Variants in STAG1 observed in about 807,000 individuals in gnomAD.
The protein encoded by STAG1 is cohesin subunit SA-1.
A neutral mutation model predicts 170.9 loss-of-function variants in STAG1; 26 were observed. The ratio of observed to expected loss-of-function variants is 0.15; its 90% confidence interval spans 0.11 to 0.21. The LOEUF (loss-of-function observed/expected upper bound fraction) is 0.21. STAG1 is among the 10% of genes least tolerant of loss of function. The pLI is 1.00. For synonymous variants in STAG1, 514 were observed against 497.7 expected (o/e 1.03, Z -0.44); for missense variants, 964 against 1,509.5 (o/e 0.64, Z 5.99).
At position 136,422,522 on chromosome 3, in the gene STAG1, A is replaced by G; in HGVS notation, c.1925T>C (p.Ile642Thr). Residue 642 changes from isoleucine (I) to threonine (T), a missense_variant, in exon 19 of 34, where the codon ATC (isoleucine) becomes ACC (threonine). Ile to Thr is a moderately conservative substitution (Grantham distance 89). Around this residue, in one of 11 missense-constraint regions of STAG1, gnomAD observed 232 missense variants for 313.0 expected, o/e 0.74. Transcript: ENST00000383202. Reference sequence around the variant, plus strand: ...GATGGTATATTCTTCACTGCATAAGATACTATAGGTTTTACTGCAGGCTTC... The same window carrying G: ...GATGGTATATTCTTCACTGCATAAGGTACTATAGGTTTTACTGCAGGCTTC... Reference protein sequence around the residue: ...VLEACSKTYSILCSEEYTIQN... With the variant: ...VLEACSKTYSTLCSEEYTIQN... 1 of 1,614,080 alleles carries G rather than the reference A, an allele frequency of 6.2e-7. No homozygotes were observed. Among genetic ancestry groups the G allele is most frequent in the Non-Finnish European group, 8.5e-7 (1 of 1,179,988 alleles).
At chr3:136,667,005 A>G (rs1258793899) in intron 1 of STAG1, among the ~76,000 whole-genome samples, 1 of 152,102 alleles carries the variant, frequency 6.6e-6, no homozygotes. Context: ...TTTCAACCAA[A>G]CCACTCACTT....
chr3:136,400,539 CTTT>C (rs560722126), intron 21 of STAG1, among the ~76,000 whole-genome samples: 3 of 139,822 alleles, frequency 2.1e-5, no homozygotes, highest in Admixed American at 7.2e-5. Context: ...AATTTTCTTT[CTTT>C]TTTTTTTTTT....
intron 1 of STAG1, among the ~76,000 whole-genome samples, chr3:136,678,696 T>TG (rs1252223879): frequency 6.6e-6 from 1 of 151,756 alleles, no homozygotes. Context: ...ACTGAGCTTC[T>TG]GCAATTTGAA....
At chr3:136,503,498 A>G (rs1933590095) in intron 7 of STAG1, among the ~76,000 whole-genome samples, 2 of 152,172 alleles carry the variant, frequency 1.3e-5, no homozygotes, top group Admixed American at 6.5e-5. Flanking sequence ...CTGTCTGTTC[A>G]TATTTGTTTT....
intron 12 of STAG1, among the ~76,000 whole-genome samples, chr3:136,471,101 T>C (rs937566601): frequency 2.3e-5 from 3 of 130,070 alleles, no homozygotes; most frequent in Non-Finnish European, 4.9e-5. Context: ...ATTGTGCACA[T>C]GTACCCCAGA....
At chr3:136,490,333 G>C (rs2090100426) in intron 9 of STAG1, among the ~76,000 whole-genome samples, 1 of 152,084 alleles carries the variant, frequency 6.6e-6, no homozygotes, top group African/African-American at 2.4e-5. Context: ...CGACTGCTAA[G>C]AGTTATTTTA....
rs563601353 is a variant in STAG1, at chr3:136,379,477, G to C, written c.2278-1725C>G. Among the ~76,000 whole-genome samples the C allele has an allele frequency of 3.4e-4, 52 of 152,346 alleles. 1 individual carries two copies. Among genetic ancestry groups the C allele is most frequent in the Non-Finnish European group, 6.5e-4 (44 of 68,032 alleles). ...TAATCCCAGCACTTTGGGAGGCTGA[G>C]ACGGCCAGATCACCTGAGGTCAGGA... On this transcript the variant is annotated intron_variant, in intron 22 of 33. Transcript: ENST00000383202.
intron 21 of STAG1, among the ~76,000 whole-genome samples, chr3:136,413,778 A>C (rs1446553809): frequency 6.6e-6 from 1 of 152,084 alleles, no homozygotes; most frequent in Non-Finnish European, 1.5e-5. Context: ...ATATTCTAAA[A>C]CTACTATGGT....
At chr3:136,696,980 A>G (rs1433201120) in intron 1 of STAG1, among the ~76,000 whole-genome samples, 1 of 152,172 alleles carries the variant, frequency 6.6e-6, no homozygotes, top group African/African-American at 2.4e-5. Context: ...GAAACTGAAC[A>G]CTAAAAAAAG....
At chr3:136,618,831 TG>T (rs1306259639) in intron 3 of STAG1, among the ~76,000 whole-genome samples, 1 of 152,104 alleles carries the variant, frequency 6.6e-6, no homozygotes, top group Non-Finnish European at 1.5e-5. Flanking sequence ...TAAGAAAAAA[TG>T]TCCTTGACTG....
intron 5 of STAG1, among the ~76,000 whole-genome samples, chr3:136,551,219 G>GTGAGAA (rs1936376240): frequency 8.7e-6 from 1 of 114,816 alleles, no homozygotes; most frequent in African/African-American, 3.2e-5. Flanking sequence ...GAGAGAGAGA[G>GTGAGAA]AGAGAGAGAG....
intron 4 of STAG1, among the ~76,000 whole-genome samples, chr3:136,603,514 C>A (rs1489834029): frequency 6.6e-6 from 1 of 152,036 alleles, no homozygotes; most frequent in Non-Finnish European, 1.5e-5. Flanking sequence ...ATGGCTTATC[C>A]TTACAATGCA....
chr3:136,555,848 A>T (rs768180085), intron 5 of STAG1, among the ~76,000 whole-genome samples: 2 of 152,148 alleles, frequency 1.3e-5, no homozygotes, highest in Non-Finnish European at 2.9e-5. Flanking sequence ...AAAAAAACAG[A>T]AAAAGAAGGT....
intron 21 of STAG1, among the ~76,000 whole-genome samples, chr3:136,409,315 A>G (rs1321324138): frequency 1.3e-5 from 2 of 152,034 alleles, no homozygotes; most frequent in Admixed American, 6.6e-5. Flanking sequence ...CAATCTATCC[A>G]AAAACCAATA....
chr3:136,605,891 C>T (rs1938908248), intron 3 of STAG1, among the ~76,000 whole-genome samples: 1 of 152,150 alleles, frequency 6.6e-6, no homozygotes, highest in Non-Finnish European at 1.5e-5. Flanking sequence ...ATTATAGTAC[C>T]TGCTCCCTGC....
At position 136,542,193 on chromosome 3, in the gene STAG1, T is replaced by C. The variant is rs1935943234; in HGVS notation, c.397A>G (p.Thr133Ala). ...TTTCGAAACATCTCTATTCTCACAG[T>C]ACCTGTGGAACAACAGATTTTACAT... The part of the protein sequence containing the change: ...FFIQCSGCRG[T>A]VRIEMFRNMQ... The change falls in exon 6 of 34, where the codon ACT becomes GCT. Residue 133 changes from threonine to alanine, a missense_variant and splice_region_variant. Thr to Ala is a moderately conservative substitution (Grantham distance 58). Coordinates refer to ENST00000383202, the MANE Select transcript of STAG1 (RefSeq NM_005862.3). 6.2e-7 allele frequency: 1 copy of C among 1,604,866 alleles called. No individual in the cohort carries two copies. The highest frequency in any genetic ancestry group is 8.5e-7 in the Non-Finnish European group (1 of 1,176,806).
intron 1 of STAG1, among the ~76,000 whole-genome samples, chr3:136,722,302 G>A (rs985419101): frequency 3.9e-5 from 6 of 152,046 alleles, no homozygotes; most frequent in Non-Finnish European, 2.9e-5. Context: ...TTCCGTTTTT[G>A]TCCTAAAATT....
chr3:136,549,583 G>A (rs967186467), intron 5 of STAG1, among the ~76,000 whole-genome samples: 2 of 151,890 alleles, frequency 1.3e-5, no homozygotes, highest in African/African-American at 4.8e-5. Flanking sequence ...TTACAGGCAT[G>A]AGCCACCATG....
At chr3:136,457,207 G>C (rs1559812974) in intron 13 of STAG1, among the ~76,000 whole-genome samples, 1 of 152,090 alleles carries the variant, frequency 6.6e-6, no homozygotes, top group Non-Finnish European at 1.5e-5. Context: ...TATAAGCCCA[G>C]GCATAAAACC....
Sources: gnomAD v4.1 joint callset for allele counts (sites outside exome capture counted in the v4.1 genomes callset) on GRCh38, gnomAD v4.1.1 for gene constraint, gnomAD v4.1.1 regional missense constraint, MANE v1.5 for transcripts, NCBI Gene and HGNC (gene_info 2026-07-23, HGNC 2026-07-21) for gene names.